The following UBE2G1 variants were observed in gnomAD, a reference collection of about 807,000 sequenced individuals.
UBE2G1 encodes ubiquitin-conjugating enzyme E2 G1.
Under a neutral mutation model 22.7 loss-of-function variants are expected in UBE2G1, and 5 were observed. That is an observed-to-expected ratio of 0.22 (90% confidence interval 0.12 to 0.46). UBE2G1 has a LOEUF of 0.46. Ranked by LOEUF, UBE2G1 falls within the 20% of genes least tolerant of loss-of-function variation. The pLI is 0.99. For missense variants in UBE2G1, 88 were observed against 203.9 expected (o/e 0.43, Z 3.46); for synonymous variants, 74 against 67.5 (o/e 1.10, Z -0.47).
At chr17:4,293,826 A>G (rs1178174206) in intron 3 of UBE2G1, among the ~76,000 whole-genome samples, 4 of 152,216 alleles carry the variant, frequency 2.6e-5, no homozygotes, top group Non-Finnish European at 5.9e-5. Context: ...GTCAAGTCAA[A>G]GAAACTAAAT....
intron 1 of UBE2G1, among the ~76,000 whole-genome samples, chr17:4,358,669 T>C (rs1969934054): frequency 6.6e-6 from 1 of 152,216 alleles, no homozygotes; most frequent in Non-Finnish European, 1.5e-5. Context: ...GAAAAAGAAC[T>C]TGGCTGGGCG....
At chr17:4,310,407 G>C (rs979656839) in intron 1 of UBE2G1, among the ~76,000 whole-genome samples, 10 of 152,170 alleles carry the variant, frequency 6.6e-5, no homozygotes, top group Admixed American at 2.0e-4. Context: ...ATAAGAAAAG[G>C]CTTCTAAAAA....
chr17:4,321,532 G>T (rs986447543), intron 1 of UBE2G1, among the ~76,000 whole-genome samples: 3 of 151,934 alleles, frequency 2.0e-5, no homozygotes, highest in Non-Finnish European at 4.4e-5. Context: ...TCACTCTGTG[G>T]CCCAGGCTGG....
chr17:4,352,642 C>T (rs761609640), intron 1 of UBE2G1, among the ~76,000 whole-genome samples: 2 of 152,110 alleles, frequency 1.3e-5, no homozygotes, highest in Non-Finnish European at 2.9e-5. Context: ...ATAGTCATGA[C>T]AGAGTTGTTC....
At chr17:4,320,789 A>G (rs903688112) in intron 1 of UBE2G1, among the ~76,000 whole-genome samples, 3 of 152,184 alleles carry the variant, frequency 2.0e-5, no homozygotes, top group African/African-American at 7.2e-5. Context: ...ACAGAAATGG[A>G]ATCATCCTTG....
intron 5 of UBE2G1, among the ~76,000 whole-genome samples, chr17:4,281,566 T>G (rs1328433569): frequency 6.6e-6 from 1 of 152,200 alleles, no homozygotes; most frequent in African/African-American, 2.4e-5. Flanking sequence ...TTTTATTGAG[T>G]AATTTAAATA....
intron 1 of UBE2G1, among the ~76,000 whole-genome samples, chr17:4,311,786 C>A (rs1295830292): frequency 2.0e-5 from 3 of 152,166 alleles, no homozygotes; most frequent in African/African-American, 7.2e-5. Flanking sequence ...CCTATAATGT[C>A]AATTCCTCCC....
intron 1 of UBE2G1, among the ~76,000 whole-genome samples, chr17:4,315,617 G>A (rs1203166521): frequency 6.6e-6 from 1 of 151,072 alleles, no homozygotes; most frequent in Non-Finnish European, 1.5e-5. Flanking sequence ...GCGGGCGCCT[G>A]TAGTCCCAGC....
chr17:4,333,898 C>T lies in UBE2G1; in HGVS notation c.47-26775G>A, dbSNP rs572199321. Among the ~76,000 whole-genome samples, 3 of 152,292 alleles carry T rather than the reference C, an allele frequency of 2.0e-5. No individual in the cohort carries two copies. In the East Asian group the frequency reaches 5.8e-4, roughly 29 times the overall value. ...ACTCTTAGTAACCACAAGTTGTACA[C>T]GTTCACAGTTTTCACTATTCCCTTC... is the stretch of plus-strand genomic sequence containing the variant. On this transcript the variant is annotated intron_variant, in intron 1 of 5. Transcript: ENST00000396981.
At chr17:4,320,037 T>G (rs1222779285) in intron 1 of UBE2G1, among the ~76,000 whole-genome samples, 1 of 152,040 alleles carries the variant, frequency 6.6e-6, no homozygotes, top group Admixed American at 6.6e-5. Flanking sequence ...TGTATTATTT[T>G]CTTGTTGCCA....
chr17:4,362,483 A>G (rs1319735512), intron 1 of UBE2G1, among the ~76,000 whole-genome samples: 1 of 152,134 alleles, frequency 6.6e-6, no homozygotes. Context: ...AGGCCCTACA[A>G]CAATACTCAA....
chr17:4,276,340 A>AT lies in UBE2G1; in HGVS notation c.*38-3825dup, dbSNP rs898532644. Reference sequence around the variant, plus strand: ...CAGTCGCACACCACCGTACTGGCTAATTTTTTTTTTTGTATTTTTAGTAGG... The same window carrying AT: ...CAGTCGCACACCACCGTACTGGCTAATTTTTTTTTTTTGTATTTTTAGTAGG... On this transcript the variant is annotated intron_variant, in intron 5 of 5. Transcript: ENST00000396981. Among the ~76,000 whole-genome samples, 342 of 146,918 alleles carry AT rather than the reference A, an allele frequency of 2.3e-3. 1 individual carries two copies. Among genetic ancestry groups the AT allele is most frequent in the African/African-American group, 7.6e-3 (306 of 40,220 alleles).
chr17:4,339,886 T>C (rs1969692079), intron 1 of UBE2G1, among the ~76,000 whole-genome samples: 1 of 151,938 alleles, frequency 6.6e-6, no homozygotes, highest in South Asian at 2.1e-4. Flanking sequence ...TTTCCTAAAA[T>C]AACAATAAAA....
chr17:4,300,354 CCAATATGGTGAAACGCCGTCT>C (rs1448160115), intron 2 of UBE2G1, among the ~76,000 whole-genome samples: 1 of 151,220 alleles, frequency 6.6e-6, no homozygotes, highest in African/African-American at 2.4e-5. Flanking sequence ...AACAACCTGA[CCAATATGGTGAAACGCCGTCT>C]CTACTAAAAA....
intron 1 of UBE2G1, among the ~76,000 whole-genome samples, chr17:4,331,576 G>C (rs890684639): frequency 6.6e-6 from 1 of 152,164 alleles, no homozygotes. Context: ...CAAGGTGTCA[G>C]TGCGGGCACA....
intron 2 of UBE2G1, among the ~76,000 whole-genome samples, chr17:4,298,783 C>T (rs1969139923): frequency 6.6e-6 from 1 of 152,006 alleles, no homozygotes; most frequent in African/African-American, 2.4e-5. Context: ...GGAAACTGTA[C>T]AAAACAAGCG....
chr17:4,347,645 T>C (rs1013253591), intron 1 of UBE2G1, among the ~76,000 whole-genome samples: 2 of 152,070 alleles, frequency 1.3e-5, no homozygotes, highest in African/African-American at 4.8e-5. Flanking sequence ...TGGCTAATTT[T>C]TGTATTCTTT....
intron 1 of UBE2G1, among the ~76,000 whole-genome samples, chr17:4,363,830 T>C (rs1251651709): frequency 6.6e-6 from 1 of 150,984 alleles, no homozygotes; most frequent in Non-Finnish European, 1.5e-5. Context: ...CGGGCGCCTG[T>C]AGTCCCAGCT....
chr17:4,333,074 T>A (rs533523306), intron 1 of UBE2G1, among the ~76,000 whole-genome samples: 9 of 152,328 alleles, frequency 5.9e-5, no homozygotes, highest in African/African-American at 2.2e-4. Flanking sequence ...TAAAAATATG[T>A]ATCACTTTAG....
Sources: gnomAD v4.1 joint callset for allele counts (sites outside exome capture counted in the v4.1 genomes callset) on GRCh38, gnomAD v4.1.1 for gene constraint, MANE v1.5 for transcripts, NCBI Gene and HGNC (gene_info 2026-07-23, HGNC 2026-07-21) for gene names.